The following ABCA5 variants were observed in gnomAD, a reference collection of about 807,000 sequenced individuals.
ABCA5 encodes cholesterol transporter ABCA5.
In ABCA5, 163 loss-of-function variants were observed where a neutral mutation model predicts 206.0. The ratio of observed to expected loss-of-function variants is 0.79; its 90% CI spans 0.70 to 0.90. The LOEUF is 0.90. Ranked by LOEUF, ABCA5 falls within the 40% of genes least tolerant of loss-of-function variation. The pLI is 0.00. For missense variants in ABCA5, 1,859 were observed against 1,912.9 expected (o/e 0.97, Z 0.53); for synonymous variants, 609 against 613.8 (o/e 0.99, Z 0.11).
intron 1 of ABCA5, 135 bp from the exon 2 acceptor site, chr17:69,314,565 G>T: frequency 1.7e-6 from 1 of 575,004 alleles, no homozygotes; most frequent in Non-Finnish European, 3.1e-6. Flanking sequence ...TCTCTCTTAG[G>T]AAACTGGACA....
intron 22 of ABCA5, among the ~76,000 whole-genome samples, chr17:69,268,283 A>G (rs1007146205): frequency 1.3e-5 from 2 of 152,098 alleles, no homozygotes; most frequent in African/African-American, 4.8e-5. Context: ...ATCTGATCCT[A>G]AGCAAATCAT....
intron 30 of ABCA5, 21 bp downstream of exon 30, chr17:69,255,712 A>T (rs1368839873): frequency 6.3e-7 from 1 of 1,579,920 alleles, no homozygotes; most frequent in Non-Finnish European, 8.5e-7. Context: ...AAAGTTATGT[A>T]AGGAAAAATT....
At chr17:69,324,650 A>G (rs144786431) in intron 1 of ABCA5, among the ~76,000 whole-genome samples, 29 of 152,332 alleles carry the variant, frequency 1.9e-4, no homozygotes, top group Admixed American at 7.2e-4. Flanking sequence ...CCCTCAGATT[A>G]TGACCTTGAA....
At position 69,284,092 on chromosome 17, in the gene ABCA5, G is replaced by C; in HGVS notation, c.2273-20C>G. ...ACAAACCTAAAAGAAAAAAATGAAAGAATAGTATATCTTTAAGCATATTAT... is the reference window on the plus strand; with the variant it reads ...ACAAACCTAAAAGAAAAAAATGAAACAATAGTATATCTTTAAGCATATTAT... On this transcript the variant is annotated intron_variant, in intron 17 of 38. Transcript: ENST00000392676. The C allele has an allele frequency of 4.0e-6, 6 of 1,514,700 alleles. No individual in the cohort carries two copies. Among genetic ancestry groups the C allele is most frequent in the South Asian group, 3.9e-5 (3 of 76,734 alleles). The allele number at this position is 1,514,700 out of a possible 1,614,324, so 93.8% of individuals were successfully genotyped here.
At chr17:69,252,866 A>G (rs1219508417) in intron 34 of ABCA5, among the ~76,000 whole-genome samples, 2 of 151,720 alleles carry the variant, frequency 1.3e-5, no homozygotes, top group Non-Finnish European at 2.9e-5. Flanking sequence ...GAGTTGTTCA[A>G]CTAATTAGTA....
At chr17:69,320,181 T>TA (rs2075851288) in intron 1 of ABCA5, among the ~76,000 whole-genome samples, 1 of 152,128 alleles carries the variant, frequency 6.6e-6, no homozygotes, top group African/African-American at 2.4e-5. Context: ...GAGAATATCA[T>TA]ATTCTTGGAA....
intron 1 of ABCA5, among the ~76,000 whole-genome samples, chr17:69,320,754 A>G (rs1488442190): frequency 6.6e-6 from 1 of 152,242 alleles, no homozygotes; most frequent in Non-Finnish European, 1.5e-5. Context: ...TGCCTGCTGC[A>G]TCCTCCAACC....
chr17:69,281,469 G>C (rs1165017487), intron 18 of ABCA5, among the ~76,000 whole-genome samples: 1 of 152,024 alleles, frequency 6.6e-6, no homozygotes, highest in African/African-American at 2.4e-5. Context: ...TTGTGAGGGT[G>C]AACTAAAAGC....
chr17:69,290,965 T>C (rs2075519375), intron 12 of ABCA5, among the ~76,000 whole-genome samples: 1 of 152,040 alleles, frequency 6.6e-6, no homozygotes, highest in Non-Finnish European at 1.5e-5. Context: ...AAATGATGAA[T>C]AAAAACACAT....
intron 4 of ABCA5, 87 bp downstream of exon 4, chr17:69,309,175 T>C (rs1036603553): frequency 3.7e-6 from 4 of 1,077,348 alleles, no homozygotes; most frequent in Non-Finnish European, 5.1e-6. Context: ...AATGCCAATA[T>C]TGAACTATAT....
intron 24 of ABCA5, among the ~76,000 whole-genome samples, chr17:69,263,201 A>G (rs147788793): frequency 1.3e-3 from 197 of 152,226 alleles, no homozygotes; most frequent in Non-Finnish European, 2.4e-3. Flanking sequence ...CTCTGTTGAT[A>G]GTTTCTTTTG....
At position 69,251,863 on chromosome 17, in the gene ABCA5, T is replaced by C. The variant is rs373860253; in HGVS notation, c.4419A>G (p.Arg1473=). The change falls in exon 35 of 39, where the codon CGA becomes CGG. Residue 1473 remains arginine, a synonymous_variant. Transcript: ENST00000392676. Reference sequence around the variant, plus strand: ...TGTTTTTAAATGCAGTTCGAATTGCTCGCCTATAAAACATAAATAAAACAA... The same window carrying C: ...TGTTTTTAAATGCAGTTCGAATTGCCCGCCTATAAAACATAAATAAAACAA... ...MDPKAKQHMW[R]AIRTAFKNRK... is the part of the protein sequence containing the mutation. The C allele has an allele frequency of 2.6e-5, 42 of 1,612,674 alleles. No homozygotes were observed. The highest frequency in any genetic ancestry group is 3.4e-5 in the Admixed American group (2 of 59,660).
intron 18 of ABCA5, among the ~76,000 whole-genome samples, chr17:69,280,075 C>T (rs2075375095): frequency 6.6e-6 from 1 of 152,064 alleles, no homozygotes; most frequent in South Asian, 2.1e-4. Context: ...GCAAAAGAAA[C>T]TACCATCAGA....
rs75944132 is a variant in ABCA5 at position 69,261,671 on chromosome 17, T to C, written c.3393A>G (p.Leu1131=). 2.8e-3 allele frequency: 4,137 copies of C among 1,500,782 alleles called. 94 individuals are homozygous for C. The African/African-American group carries it at 0.053, about 19-fold the overall frequency. 93.0% of individuals were successfully genotyped at this position (1,500,782 alleles called of 1,614,324 possible). The stretch of plus-strand genomic sequence containing the variant: ...TAAATGACCAAAATTCTTTGGTATT[T>C]AAAATTTTCTTAAAGGTGAAAGAAG... ...YIASFTFKKI[L]NTKEFWSFIY... Residue 1131 remains leucine, a synonymous_variant, in exon 25 of 39, where the codon TTA becomes TTG. Transcript: ENST00000392676.
At chr17:69,280,477 G>T (rs575857360) in intron 18 of ABCA5, among the ~76,000 whole-genome samples, 6,828 of 150,402 alleles carry the variant, frequency 0.045, 176 homozygotes, top group Non-Finnish European at 0.065. Context: ...TCAGTGTGGC[G>T]ATTCCTCAGG....
At position 69,259,679 on chromosome 17, in the gene ABCA5, T is replaced by C. The variant is rs75233053; in HGVS notation, c.3731+27A>G. ...CAGTTCTGTAAATATACTAAAAACA[T>C]TTAAAATTTTTAAAAAATCAACTGA... is the stretch of plus-strand genomic sequence containing the variant. On this transcript the variant is annotated intron_variant, in intron 28 of 38. Transcript: ENST00000392676. 7,350 of 1,449,646 alleles carry C rather than the reference T, an allele frequency of 5.1e-3. 35 individuals are homozygous for C. The highest frequency in any genetic ancestry group is 6.0e-3 in the Middle Eastern group (31 of 5,184). The allele number at this position is 1,449,646 out of a possible 1,614,324, so 89.8% of individuals were successfully genotyped here.
At chr17:69,274,978 G>A (rs2075315440) in intron 19 of ABCA5, among the ~76,000 whole-genome samples, 1 of 150,898 alleles carries the variant, frequency 6.6e-6, no homozygotes, top group African/African-American at 2.4e-5. Flanking sequence ...CAAGTAGGTG[G>A]GACGACTGGC....
chr17:69,256,358 T>C, intron 28 of ABCA5, 75 bp from the exon 29 acceptor site: 1 of 971,220 alleles, frequency 1.0e-6, no homozygotes, highest in East Asian at 3.0e-5. Context: ...AGATACTAGG[T>C]AGAGAAAAGA....
intron 1 of ABCA5, among the ~76,000 whole-genome samples, chr17:69,323,724 C>CA (rs2075880963): frequency 6.6e-6 from 1 of 151,930 alleles, no homozygotes; most frequent in African/African-American, 2.4e-5. Flanking sequence ...AATATTAAAC[C>CA]CAGTATCATC....
Sources: gnomAD v4.1 joint callset for allele counts (sites outside exome capture counted in the v4.1 genomes callset) on GRCh38, gnomAD v4.1.1 for gene constraint, MANE v1.5 for transcripts, NCBI Gene and HGNC (gene_info 2026-07-23, HGNC 2026-07-21) for gene names.